The following ASAH2B variants were observed in gnomAD, a reference collection of about 807,000 sequenced individuals.
ASAH2B encodes the protein putative inactive neutral ceramidase B.
A neutral mutation model predicts 2.9 loss-of-function variants in ASAH2B; 1 was observed. That is an observed-to-expected ratio of 0.34 (90% CI 0.12 to 1.63). The LOEUF (loss-of-function observed/expected upper bound fraction) is 1.63, where lower values mean the gene tolerates loss of function less well. Ranked by LOEUF, ASAH2B falls within the 40% of genes most tolerant of loss-of-function variation. The probability of loss-of-function intolerance (pLI) is 0.36; values close to 1 mark genes in which losing one functional copy is unlikely to be tolerated. For missense variants in ASAH2B, 9 were observed against 37.7 expected (o/e 0.24, Z 1.99); for synonymous variants, 4 against 13.3 (o/e 0.30, Z 1.52).
At chr10:50,740,307 AAG>A (rs1242015959) in intron 1 of ASAH2B, among the ~76,000 whole-genome samples, 2 of 152,168 alleles carry the variant, frequency 1.3e-5, no homozygotes, top group African/African-American at 4.8e-5. Flanking sequence ...GAGCAAAAGA[AAG>A]AGAAACATTA....
intron 1 of ASAH2B, among the ~76,000 whole-genome samples, chr10:50,741,819 C>A (rs1452168010): frequency 2.0e-5 from 3 of 152,014 alleles, no homozygotes; most frequent in African/African-American, 7.2e-5. Flanking sequence ...GGATTCTAAG[C>A]AAGAGAATGC....
chr10:50,748,903 G>C (rs1588932189), intron 3 of ASAH2B, among the ~76,000 whole-genome samples: 1 of 151,618 alleles, frequency 6.6e-6, no homozygotes, highest in Non-Finnish European at 1.5e-5. Flanking sequence ...TTTCAGGTGG[G>C]AGGATAAATA....
Position 50,748,313 on chromosome 10 carries a change from C to A in ASAH2B, c.145-1030C>A, listed in dbSNP as rs570092495. 4.3e-3 allele frequency among the ~76,000 whole-genome samples: 573 copies of A among 132,536 alleles called. 13 individuals are homozygous for A. Among genetic ancestry groups the A allele is most frequent in the African/African-American group, 0.014 (538 of 37,868 alleles). 86.9% of individuals were successfully genotyped at this position (132,536 alleles called of 152,430 possible). On this transcript the variant is annotated intron_variant, in intron 3 of 5. Transcript: ENST00000647317. ...GTAATTTGTGTCCTCAAAGAACTAGCATTTAGTTTTATTGCTTTTACCTAT... is the reference window on the plus strand; with the variant it reads ...GTAATTTGTGTCCTCAAAGAACTAGAATTTAGTTTTATTGCTTTTACCTAT...
chr10:50,746,149 CT>C (rs1343180331), intron 3 of ASAH2B, among the ~76,000 whole-genome samples: 2 of 151,462 alleles, frequency 1.3e-5, no homozygotes, highest in East Asian at 1.9e-4. Context: ...TTTCAACCCC[CT>C]AACCTCCTAG....
At position 50,757,913 on chromosome 10, in the gene ASAH2B, GC is replaced by G. The variant is rs1837128180; in HGVS notation, c.*3174del. On this transcript the variant is annotated 3_prime_UTR_variant, in exon 6 of 6. Coordinates refer to ENST00000647317, the MANE Select transcript of ASAH2B (RefSeq NM_001321958.2). ...TCAGGTTTGGTGCAGCCACTCAGTG[GC>G]TCTTCTTAATATATTGACTTAATTC... 1 of 150,720 alleles carries G rather than the reference GC, an allele frequency of 6.6e-6. No individual in the cohort carries two copies. Among genetic ancestry groups the G allele is most frequent in the African/African-American group, 2.4e-5 (1 of 41,220 alleles). 9.3% of individuals were successfully genotyped at this position (150,720 alleles called of 1,614,324 possible). A position where few individuals can be genotyped will look rare whatever the true frequency, so the allele number is the denominator to read the frequency against.
Position 50,756,165 on chromosome 10 carries a change from G to GA in ASAH2B, c.*1432dup, listed in dbSNP as rs891816609. 4 of 150,172 alleles carry GA rather than the reference G, an allele frequency of 2.7e-5. No individual in the cohort carries two copies. The highest frequency in any genetic ancestry group is 2.1e-4 in the South Asian group (1 of 4,728). The allele number at this position is 150,172 out of a possible 1,614,324, so 9.3% of individuals were successfully genotyped here. On this transcript the variant is annotated 3_prime_UTR_variant, in exon 6 of 6. Coordinates refer to ENST00000647317, the MANE Select transcript of ASAH2B (RefSeq NM_001321958.2). ...TATGTAAAAGCTTTAGCATTTTAGG[G>GA]AAAAAAATCAATCTGTATTTCAAAA...
rs1837096656 is a variant in ASAH2B, at chr10:50,756,677, T to G, written c.*1937T>G. ...CTGATCCTTCTGCACCTAGCACTCT[T>G]GGCTCCAGATAACGCACAGAAACCT... On this transcript the variant is annotated 3_prime_UTR_variant, in exon 6 of 6. Transcript: ENST00000647317. 1 of 152,020 alleles carries G rather than the reference T, an allele frequency of 6.6e-6. No homozygotes were observed. The highest frequency in any genetic ancestry group is 2.1e-4 in the South Asian group (1 of 4,836). The allele number at this position is 152,020 out of a possible 1,614,324, so 9.4% of individuals were successfully genotyped here. A position where few individuals can be genotyped will look rare whatever the true frequency, so the allele number is the denominator to read the frequency against.
chr10:50,742,017 G>A (rs963651362), intron 1 of ASAH2B, among the ~76,000 whole-genome samples: 13 of 152,182 alleles, frequency 8.5e-5, no homozygotes, highest in African/African-American at 3.1e-4. Context: ...CTACTTATCA[G>A]GTACTGTGCT....
intron 5 of ASAH2B, among the ~76,000 whole-genome samples, chr10:50,754,178 T>G (rs1474379429): frequency 2.6e-5 from 4 of 151,252 alleles, no homozygotes; most frequent in African/African-American, 9.8e-5. Context: ...TATATATATA[T>G]AGAAAACAAA....
Position 50,743,080 on chromosome 10 carries a change from C to T in ASAH2B, c.-4+70C>T, listed in dbSNP as rs918797223. 18 of 1,528,988 alleles carry T rather than the reference C, an allele frequency of 1.2e-5. No individual in the cohort carries two copies. In the African/African-American group the frequency reaches 2.3e-4, roughly 20 times the overall value. The allele number at this position is 1,528,988 out of a possible 1,614,324, so 94.7% of individuals were successfully genotyped here. Reference sequence around the variant, plus strand: ...TGTGTATGTCTGTATGTGTCTGTGTCTGGGTAAGAGGGAAGTGAAAGAGAA... The same window carrying T: ...TGTGTATGTCTGTATGTGTCTGTGTTTGGGTAAGAGGGAAGTGAAAGAGAA... On this transcript the variant is annotated intron_variant, in intron 2 of 5. Transcript: ENST00000647317.
intron 1 of ASAH2B, among the ~76,000 whole-genome samples, chr10:50,742,091 A>G (rs559680561): frequency 4.3e-4 from 66 of 152,330 alleles, no homozygotes; most frequent in African/African-American, 1.5e-3. Flanking sequence ...TACCTATATA[A>G]CAAACCTGCA....
intron 1 of ASAH2B, among the ~76,000 whole-genome samples, chr10:50,741,570 A>G (rs1839831721): frequency 6.6e-6 from 1 of 152,258 alleles, no homozygotes. Context: ...AACAAGTGAG[A>G]GTTAAGCAAA....
chr10:50,748,202 AGTT>A (rs1450894574), intron 3 of ASAH2B, among the ~76,000 whole-genome samples: 2 of 112,880 alleles, frequency 1.8e-5, no homozygotes, highest in Admixed American at 1.1e-4. Flanking sequence ...GTAATATAAA[AGTT>A]GTTGTTGCTC....
rs953638 is a variant in ASAH2B, at chr10:50,749,029, T to C, written c.145-314T>C. 1.7e-4 allele frequency among the ~76,000 whole-genome samples: 26 copies of C among 151,330 alleles called. No homozygotes were observed. The South Asian group carries it at 5.2e-3, about 30-fold the overall frequency. The stretch of plus-strand genomic sequence containing the variant: ...TCTAATTTGATTCAAATATTCCCTG[T>C]ATTTGTGTTGGGAGGGAGGTGTGAG... On this transcript the variant is annotated intron_variant, in intron 3 of 5. Coordinates refer to ENST00000647317, the MANE Select transcript of ASAH2B (RefSeq NM_001321958.2).
intron 1 of ASAH2B, 156 bp downstream of exon 1, chr10:50,740,139 C>T (rs2132715882): frequency 6.6e-6 from 1 of 152,286 alleles, no homozygotes; most frequent in Admixed American, 6.5e-5. Context: ...GGAGGCGTGC[C>T]CGGGAGTCGT....
chr10:50,740,097 G>C (rs1399548625), intron 1 of ASAH2B, 114 bp downstream of exon 1: 1 of 153,260 alleles, frequency 6.5e-6, no homozygotes, highest in Non-Finnish European at 1.5e-5. Flanking sequence ...GGTTATCTTT[G>C]CTCCCCAGGA....
chr10:50,741,653 A>G (rs1036834494), intron 1 of ASAH2B, among the ~76,000 whole-genome samples: 3 of 152,126 alleles, frequency 2.0e-5, no homozygotes, highest in African/African-American at 4.8e-5. Flanking sequence ...ACATTGATGG[A>G]CCACAATTAG....
chr10:50,745,929 T>C (rs1398747278), intron 3 of ASAH2B, among the ~76,000 whole-genome samples: 1 of 151,274 alleles, frequency 6.6e-6, no homozygotes, highest in African/African-American at 2.4e-5. Context: ...TATGTATACA[T>C]GGGGAATGGC....
chr10:50,747,075 C>A (rs1411071257), intron 3 of ASAH2B, among the ~76,000 whole-genome samples: 7 of 149,672 alleles, frequency 4.7e-5, no homozygotes, highest in Admixed American at 4.6e-4. Context: ...AAAAAACAAA[C>A]ATCACCTACA....
Sources: allele counts gnomAD v4.1 joint callset (sites outside exome capture counted in the v4.1 genomes callset), GRCh38; gene constraint gnomAD v4.1.1; transcripts MANE v1.5; gene names NCBI Gene and HGNC (gene_info 2026-07-23, HGNC 2026-07-21).